The following MED27 variants were observed in gnomAD, a reference collection of about 807,000 sequenced individuals.
MED27 encodes mediator complex subunit 27.
A neutral mutation model predicts 38.2 loss-of-function variants in MED27; 30 were observed. That is an observed-to-expected ratio of 0.79 (90% CI 0.59 to 1.07). MED27 has a LOEUF of 1.07. MED27 is among the 50% of genes least tolerant of loss of function. The probability of loss-of-function intolerance (pLI) is 0.00; values close to 1 mark genes in which losing one functional copy is unlikely to be tolerated. For missense variants in MED27, 289 were observed against 397.5 expected, an observed-to-expected ratio of 0.73 and a Z score of 2.32; for synonymous variants, 122 against 153.5, an observed-to-expected ratio of 0.79 and a Z score of 1.52.
chr9:131,947,905 G>T (rs1457982385), intron 3 of MED27, among the ~76,000 whole-genome samples: 1 of 152,184 alleles, frequency 6.6e-6, no homozygotes, highest in Admixed American at 6.5e-5. Context: ...ATATCAAGAA[G>T]GGAATCATTT....
intron 3 of MED27, among the ~76,000 whole-genome samples, chr9:131,946,554 C>T (rs1340410511): frequency 1.3e-5 from 2 of 152,206 alleles, no homozygotes; most frequent in Non-Finnish European, 2.9e-5. Context: ...TCATGCTTTA[C>T]ACCCATGCTC....
chr9:131,907,544 CAG>C (rs1313542362), intron 4 of MED27, among the ~76,000 whole-genome samples: 11 of 152,308 alleles, frequency 7.2e-5, no homozygotes, highest in African/African-American at 2.6e-4. Context: ...GGCTGGAGTG[CAG>C]TGGCGTGATC....
At chr9:131,944,314 AC>A (rs1180540839) in intron 3 of MED27, among the ~76,000 whole-genome samples, 1 of 151,554 alleles carries the variant, frequency 6.6e-6, no homozygotes, top group Non-Finnish European at 1.5e-5. Flanking sequence ...CTGCATAAAT[AC>A]CCCCCATTGC....
intron 2 of MED27, among the ~76,000 whole-genome samples, chr9:132,025,684 C>T (rs1449745003): frequency 6.6e-6 from 1 of 152,176 alleles, no homozygotes; most frequent in East Asian, 1.9e-4. Flanking sequence ...AACACTGCTA[C>T]TCAATACTAT....
At chr9:131,904,596 C>A (rs1206964780) in intron 4 of MED27, among the ~76,000 whole-genome samples, 1 of 151,388 alleles carries the variant, frequency 6.6e-6, no homozygotes, top group African/African-American at 2.4e-5. Context: ...CGGCCTCGAG[C>A]AGTCCTCCTG....
At chr9:131,935,448 T>C (rs1228230803) in intron 4 of MED27, among the ~76,000 whole-genome samples, 4 of 152,130 alleles carry the variant, frequency 2.6e-5, no homozygotes, top group Non-Finnish European at 4.4e-5. Context: ...TAAAGCAAAA[T>C]TGTAACCAAC....
At chr9:131,996,238 T>A (rs1832087390) in intron 3 of MED27, among the ~76,000 whole-genome samples, 2 of 152,190 alleles carry the variant, frequency 1.3e-5, no homozygotes, top group African/African-American at 4.8e-5. Context: ...TTGTGGAGCC[T>A]GGGTACCCCT....
chr9:132,040,930 T>G (rs1265757540), intron 2 of MED27, among the ~76,000 whole-genome samples: 1 of 152,218 alleles, frequency 6.6e-6, no homozygotes, highest in Admixed American at 6.5e-5. Context: ...AGAGTTAAGC[T>G]GCACTCGCAG....
At chr9:131,910,094 G>C (rs189548082) in intron 4 of MED27, among the ~76,000 whole-genome samples, 1 of 152,242 alleles carries the variant, frequency 6.6e-6, no homozygotes, top group East Asian at 1.9e-4. Flanking sequence ...CGATATAAGG[G>C]GAAACCGAGG....
In MED27 at chr9:131,883,188, C is replaced by T. The variant is rs1839078686; in HGVS notation, c.723+870G>A. 6.6e-6 allele frequency among the ~76,000 whole-genome samples: 1 copy of T among 152,128 alleles called. No homozygotes were observed. Among genetic ancestry groups the T allele is most frequent in the African/African-American group, 2.4e-5 (1 of 41,432 alleles). On this transcript the variant is annotated intron_variant, in intron 6 of 7. Coordinates refer to ENST00000292035, the MANE Select transcript of MED27 (RefSeq NM_004269.4). This position sits in a 1 kb window ranked among gnomAD's most constrained non-coding sequence, Gnocchi z 4.2. ...TCCCAAAGTGCTGGGGAGTGGACACCTGTTGTTGAGCTGGATGAGGGAATG... is the reference window on the plus strand; with the variant it reads ...TCCCAAAGTGCTGGGGAGTGGACACTTGTTGTTGAGCTGGATGAGGGAATG...
At chr9:132,048,914 T>A (rs990946859) in intron 2 of MED27, among the ~76,000 whole-genome samples, 16 of 152,226 alleles carry the variant, frequency 1.1e-4, no homozygotes, top group Non-Finnish European at 2.1e-4. Context: ...TAAGCACAGG[T>A]ATAACTGCTT....
chr9:131,908,141 C>T (rs1175255827), intron 4 of MED27, among the ~76,000 whole-genome samples: 1 of 102,072 alleles, frequency 9.8e-6, no homozygotes, highest in South Asian at 2.9e-4. Context: ...GGGTCAGCCC[C>T]CCGCTCGGCC....
At chr9:132,054,327 A>T (rs1833528250) in intron 2 of MED27, among the ~76,000 whole-genome samples, 1 of 152,104 alleles carries the variant, frequency 6.6e-6, no homozygotes, top group South Asian at 2.1e-4. Flanking sequence ...TTTCCGCCAT[A>T]AGTAAGAGCT....
chr9:131,908,429 TAGAA>T (rs1273340824), intron 4 of MED27, among the ~76,000 whole-genome samples: 1 of 152,232 alleles, frequency 6.6e-6, no homozygotes, highest in African/African-American at 2.4e-5. Flanking sequence ...TTTTGTGGAA[TAGAA>T]AGCGGGGAAA....
At chr9:131,911,199 G>C (rs1473717040) in intron 4 of MED27, among the ~76,000 whole-genome samples, 2 of 152,204 alleles carry the variant, frequency 1.3e-5, no homozygotes, top group Non-Finnish European at 2.9e-5. Context: ...GGATGAGCAA[G>C]TGATCCTTCC....
intron 3 of MED27, among the ~76,000 whole-genome samples, chr9:131,979,505 C>A (rs1276529771): frequency 1.4e-5 from 2 of 141,408 alleles, no homozygotes; most frequent in African/African-American, 2.6e-5. Context: ...AAAAAAAAAA[C>A]CCCACAATAA....
chr9:131,933,722 C>T (rs1183541795), intron 4 of MED27, among the ~76,000 whole-genome samples: 4 of 151,914 alleles, frequency 2.6e-5, no homozygotes, highest in African/African-American at 9.7e-5. Context: ...AAGCAATACA[C>T]ATTCAATACA....
intron 3 of MED27, among the ~76,000 whole-genome samples, chr9:131,994,786 T>C (rs547849685): frequency 1.3e-5 from 2 of 152,288 alleles, no homozygotes; most frequent in East Asian, 1.9e-4. Context: ...TTTGTTATAA[T>C]ATATAACACC....
At chr9:132,013,309 A>C (rs942185549) in intron 3 of MED27, among the ~76,000 whole-genome samples, 7 of 152,260 alleles carry the variant, frequency 4.6e-5, no homozygotes, top group Non-Finnish European at 8.8e-5. Context: ...GAGTGAAAAG[A>C]AGCTCATACA....
Sources: gnomAD v4.1 joint callset for allele counts (sites outside exome capture counted in the v4.1 genomes callset) on GRCh38, gnomAD v4.1.1 for gene constraint, Gnocchi (gnomAD v3.1) non-coding constraint, MANE v1.5 for transcripts, NCBI Gene and HGNC (gene_info 2026-07-23, HGNC 2026-07-21) for gene names.